Variants in RAI14 observed in about 807,000 individuals in gnomAD.
RAI14 encodes the protein ankycorbin.
In RAI14, 45 loss-of-function variants were observed where a neutral mutation model predicts 115.4. The ratio of observed to expected loss-of-function variants is 0.39; its 90% CI spans 0.31 to 0.50. The LOEUF (loss-of-function observed/expected upper bound fraction) is 0.50. RAI14 is among the 20% of genes least tolerant of loss of function. The pLI is 0.85. For synonymous variants in RAI14, 371 were observed against 415.4 expected (o/e 0.89, Z 1.30); for missense variants, 939 against 1,131.2 (o/e 0.83, Z 2.44).
At chr5:34,688,269 G>A (rs746018200) in intron 2 of RAI14, 7 of 1,535,590 alleles carry the variant, frequency 4.6e-6, no homozygotes, top group African/African-American at 1.4e-5. Context: ...GGAAAATGTT[G>A]CCCAATTCAG....
Position 34,670,400 on chromosome 5 carries a change from A to G in RAI14, c.-49+13925A>G, listed in dbSNP as rs6870592. Among the ~76,000 whole-genome samples the G allele has an allele frequency of 5.0e-3, 756 of 152,344 alleles. 7 individuals carry two copies. Among genetic ancestry groups the G allele is most frequent in the Middle Eastern group, 0.017 (5 of 294 alleles). On this transcript the variant is annotated intron_variant, in intron 1 of 17. Coordinates refer to ENST00000265109, the MANE Select transcript of RAI14 (RefSeq NM_015577.3). Reference sequence around the variant, plus strand: ...CCTAGTCTGGAAGCTGAGAATAATAACAGTAGAATTTAATTCTGAAGTGCT... The same window carrying G: ...CCTAGTCTGGAAGCTGAGAATAATAGCAGTAGAATTTAATTCTGAAGTGCT...
intron 2 of RAI14, among the ~76,000 whole-genome samples, chr5:34,730,114 A>G (rs1378900579): frequency 1.3e-5 from 2 of 152,212 alleles, no homozygotes; most frequent in Non-Finnish European, 2.9e-5. Context: ...TTGAAGCAGG[A>G]TGATGAATTA....
At chr5:34,783,269 AG>A (rs771968979) in intron 3 of RAI14, among the ~76,000 whole-genome samples, 6 of 152,176 alleles carry the variant, frequency 3.9e-5, no homozygotes, top group Non-Finnish European at 8.8e-5. Context: ...TCTGTCCTCA[AG>A]TAGGTGGCTG....
intron 2 of RAI14, among the ~76,000 whole-genome samples, chr5:34,719,125 A>T (rs529758178): frequency 3.4e-5 from 5 of 148,444 alleles, no homozygotes; most frequent in Non-Finnish European, 7.4e-5. Context: ...GTGTTGTGGA[A>T]CTTCAGCTGG....
At chr5:34,683,876 C>T (rs879808336) in intron 1 of RAI14, among the ~76,000 whole-genome samples, 9 of 152,102 alleles carry the variant, frequency 5.9e-5, no homozygotes, top group South Asian at 2.1e-4. Flanking sequence ...TACAGGCGCC[C>T]GCCATCACGC....
chr5:34,660,639 A>T (rs1358540369), intron 1 of RAI14, among the ~76,000 whole-genome samples: 2 of 152,138 alleles, frequency 1.3e-5, no homozygotes, highest in Non-Finnish European at 2.9e-5. Flanking sequence ...ACAAAGGCAC[A>T]TTCCTGTTCT....
chr5:34,698,536 G>T (rs541678844), intron 2 of RAI14, among the ~76,000 whole-genome samples: 4 of 152,014 alleles, frequency 2.6e-5, no homozygotes, highest in Non-Finnish European at 5.9e-5. Context: ...ATTCAACATC[G>T]CAGGAGTTTA....
intron 1 of RAI14, among the ~76,000 whole-genome samples, chr5:34,679,881 C>T (rs1744265714): frequency 6.6e-6 from 1 of 151,700 alleles, no homozygotes; most frequent in Non-Finnish European, 1.5e-5. Flanking sequence ...TGTCAGAGAG[C>T]TCACCCTCCT....
At chr5:34,736,591 T>C (rs1580079732) in intron 2 of RAI14, among the ~76,000 whole-genome samples, 1 of 152,096 alleles carries the variant, frequency 6.6e-6, no homozygotes, top group East Asian at 1.9e-4. Flanking sequence ...TTGACAGAGA[T>C]GAGGTCTCAC....
At chr5:34,777,464 A>G (rs1751009266) in intron 3 of RAI14, among the ~76,000 whole-genome samples, 1 of 152,148 alleles carries the variant, frequency 6.6e-6, no homozygotes, top group Non-Finnish European at 1.5e-5. Context: ...GTGGGAACCA[A>G]AAAAACAAAC....
At chr5:34,769,822 A>G (rs1393984669) in intron 3 of RAI14, among the ~76,000 whole-genome samples, 1 of 152,120 alleles carries the variant, frequency 6.6e-6, no homozygotes, top group East Asian at 1.9e-4. Flanking sequence ...TGCCTCCTGG[A>G]TTCAAGCAAT....
intron 2 of RAI14, among the ~76,000 whole-genome samples, chr5:34,745,329 A>G (rs1746020846): frequency 6.6e-6 from 1 of 152,042 alleles, no homozygotes. Context: ...TTCATTTGAC[A>G]TTTGCTGCTC....
At chr5:34,815,254 A>G (rs888419583) in intron 12 of RAI14, among the ~76,000 whole-genome samples, 1 of 151,922 alleles carries the variant, frequency 6.6e-6, no homozygotes. Flanking sequence ...GATGGTGCGC[A>G]CCTTTAATCC....
At chr5:34,670,522 A>C (rs1315364620) in intron 1 of RAI14, among the ~76,000 whole-genome samples, 1 of 152,210 alleles carries the variant, frequency 6.6e-6, no homozygotes, top group Non-Finnish European at 1.5e-5. Flanking sequence ...TGTGGCTGTT[A>C]TTATCATTGC....
At chr5:34,730,447 C>T (rs187198418) in intron 2 of RAI14, among the ~76,000 whole-genome samples, 25 of 152,186 alleles carry the variant, frequency 1.6e-4, no homozygotes, top group Non-Finnish European at 2.2e-4. Context: ...GAGGCTGAAG[C>T]AGGCAGGTCT....
rs569747875 is a variant in RAI14 at position 34,786,732 on chromosome 5, G to T, written c.168-9207G>T. ...CTTCGACCTGGGTTTGAGCCTCCAC[G>T]TTGGGCACCACTTGCCGAGACCAGC... On this transcript the variant is annotated intron_variant, in intron 3 of 17. Transcript: ENST00000265109. Among the ~76,000 whole-genome samples the T allele has an allele frequency of 1.9e-4, 29 of 152,212 alleles. 1 individual carries two copies. Among genetic ancestry groups the T allele is most frequent in the Non-Finnish European group, 1.3e-4 (9 of 68,014 alleles).
chr5:34,773,281 A>G (rs2150137237), intron 3 of RAI14, among the ~76,000 whole-genome samples: 1 of 152,320 alleles, frequency 6.6e-6, no homozygotes, highest in Middle Eastern at 3.4e-3. Context: ...CAAGACTTAA[A>G]TGTAAGACCT....
intron 4 of RAI14, among the ~76,000 whole-genome samples, chr5:34,802,987 T>C (rs1447650160): frequency 1.3e-5 from 2 of 151,874 alleles, no homozygotes; most frequent in Non-Finnish European, 2.9e-5. Context: ...GGATCTTTGA[T>C]GTATTCTGCT....
rs138185675 is a variant in RAI14, at chr5:34,683,408, G to A, written c.-48-3464G>A. 5.6e-4 allele frequency among the ~76,000 whole-genome samples: 85 copies of A among 151,280 alleles called. 1 individual carries two copies. Among genetic ancestry groups the A allele is most frequent in the African/African-American group, 2.0e-3 (83 of 41,096 alleles). ...TTTATCTAATCCTCTTCAAATAAGA[G>A]TTTGTATACTTTTCACTGCATGCTT... is the stretch of plus-strand genomic sequence containing the variant. On this transcript the variant is annotated intron_variant, in intron 1 of 17. Coordinates refer to ENST00000265109, the MANE Select transcript of RAI14 (RefSeq NM_015577.3).
Sources: allele counts gnomAD v4.1 joint callset (sites outside exome capture counted in the v4.1 genomes callset), GRCh38; gene constraint gnomAD v4.1.1; transcripts MANE v1.5; gene names NCBI Gene and HGNC (gene_info 2026-07-23, HGNC 2026-07-21).